Variants in NRXN3 observed in about 807,000 individuals in gnomAD.
The protein encoded by NRXN3 is neurexin III.
NRXN3 carries 32 observed loss-of-function variants against 137.6 expected under a neutral mutation model. That is an observed-to-expected ratio of 0.23 (90% confidence interval 0.18 to 0.31). NRXN3 has a LOEUF of 0.31. Ranked by LOEUF, NRXN3 falls within the 10% of genes least tolerant of loss-of-function variation. The pLI is 1.00. For missense variants in NRXN3, 1,574 were observed against 2,062.5 expected (o/e 0.76, Z 4.59); for synonymous variants, 798 against 784.5 (o/e 1.02, Z -0.29).
chr14:78,926,889 TATATATATATAATATATATA>T (rs1172369784), intron 10 of NRXN3, among the ~76,000 whole-genome samples: 16 of 17,782 alleles, frequency 9.0e-4, no homozygotes, highest in Non-Finnish European at 1.2e-3. Flanking sequence ...AATATATTTA[TATATATATATAATATATATA>T]ATATATATAT....
At chr14:79,422,032 C>T (rs918676516) in intron 15 of NRXN3, among the ~76,000 whole-genome samples, 4 of 152,074 alleles carry the variant, frequency 2.6e-5, no homozygotes, top group African/African-American at 9.7e-5. Context: ...TTCAAAGTTA[C>T]ATGTAGAGTG....
At chr14:78,572,395 T>A (rs1382671719) in intron 4 of NRXN3, among the ~76,000 whole-genome samples, 1 of 152,140 alleles carries the variant, frequency 6.6e-6, no homozygotes, top group Non-Finnish European at 1.5e-5. Context: ...CCTGGCCACC[T>A]TCAGTGTGTC....
In NRXN3 at chr14:78,288,152, G is replaced by A. The variant is rs142458006; in HGVS notation, c.727+9490G>A. On this transcript the variant is annotated intron_variant, in intron 3 of 20. Coordinates refer to ENST00000335750, the MANE Select transcript of NRXN3 (RefSeq NM_001330195.2). Reference sequence around the variant, plus strand: ...CCACTACCACACCTGGCTAACTTTCGTATTTTTAGTAGAGACAGTGTTTTG... The same window carrying A: ...CCACTACCACACCTGGCTAACTTTCATATTTTTAGTAGAGACAGTGTTTTG... Among the ~76,000 whole-genome samples the A allele has an allele frequency of 5.8e-3, 880 of 152,134 alleles. 11 individuals are homozygous for A. Among genetic ancestry groups the A allele is most frequent in the African/African-American group, 0.019 (780 of 41,528 alleles).
chr14:78,955,429 C>T (rs1030664581), intron 10 of NRXN3, among the ~76,000 whole-genome samples: 1 of 152,134 alleles, frequency 6.6e-6, no homozygotes, highest in South Asian at 2.1e-4. Flanking sequence ...GTAATACATA[C>T]ATTTTATGTA....
At chr14:78,496,349 A>C (rs1041902699) in intron 4 of NRXN3, among the ~76,000 whole-genome samples, 1 of 152,100 alleles carries the variant, frequency 6.6e-6, no homozygotes, top group African/African-American at 2.4e-5. Flanking sequence ...GTTTTATTTG[A>C]GTTTTCTTCC....
At chr14:78,262,020 A>C (rs952897168) in intron 2 of NRXN3, among the ~76,000 whole-genome samples, 1 of 152,202 alleles carries the variant, frequency 6.6e-6, no homozygotes, top group African/African-American at 2.4e-5. Flanking sequence ...CTGTAGATGG[A>C]AAGAACAGAG....
chr14:79,125,478 A>G, intron 15 of NRXN3, among the ~76,000 whole-genome samples: 1 of 152,204 alleles, frequency 6.6e-6, no homozygotes, highest in East Asian at 1.9e-4. Context: ...TCTTTATTGA[A>G]CAACAACTTT....
At chr14:79,199,211 A>G (rs1161654768) in intron 15 of NRXN3, among the ~76,000 whole-genome samples, 1 of 148,026 alleles carries the variant, frequency 6.8e-6, no homozygotes, top group East Asian at 2.0e-4. Context: ...TTCCCTTCTT[A>G]TTTTCACCTT....
chr14:78,476,184 T>G (rs2095374633), intron 4 of NRXN3, among the ~76,000 whole-genome samples: 1 of 152,266 alleles, frequency 6.6e-6, no homozygotes, highest in African/African-American at 2.4e-5. Flanking sequence ...AGACAAGTTT[T>G]GTAATTTCAC....
chr14:79,798,168 G>C (rs2099166707), intron 19 of NRXN3, among the ~76,000 whole-genome samples: 1 of 151,664 alleles, frequency 6.6e-6, no homozygotes, highest in Non-Finnish European at 1.5e-5. Flanking sequence ...ATGAGACTGT[G>C]ATGGCCACAA....
intron 4 of NRXN3, among the ~76,000 whole-genome samples, chr14:78,576,090 A>G (rs908705625): frequency 1.3e-5 from 2 of 152,248 alleles, no homozygotes; most frequent in Admixed American, 1.3e-4. Context: ...GACATGTATT[A>G]GTCATGCACA....
intron 15 of NRXN3, among the ~76,000 whole-genome samples, chr14:79,446,762 T>C (rs1056918171): frequency 3.9e-5 from 6 of 152,180 alleles, no homozygotes; most frequent in Non-Finnish European, 8.8e-5. Flanking sequence ...TGCATAAGCA[T>C]TTCTTTTCCT....
chr14:78,426,618 G>A (rs138100710), intron 4 of NRXN3, among the ~76,000 whole-genome samples: 136 of 152,208 alleles, frequency 8.9e-4, no homozygotes, highest in African/African-American at 3.2e-3. Context: ...AACTTGATAG[G>A]GCAAACAGTG....
chr14:78,850,064 C>G (rs1180454945), intron 10 of NRXN3, among the ~76,000 whole-genome samples: 1 of 152,064 alleles, frequency 6.6e-6, no homozygotes, highest in East Asian at 1.9e-4. Flanking sequence ...TTAATTAACT[C>G]AAACAATGCA....
intron 15 of NRXN3, among the ~76,000 whole-genome samples, chr14:79,017,190 T>C (rs1212896073): frequency 6.6e-6 from 1 of 150,586 alleles, no homozygotes; most frequent in Non-Finnish European, 1.5e-5. Flanking sequence ...GTGGATCCAA[T>C]GACCACTGCC....
At chr14:78,450,124 C>T (rs542505336) in intron 4 of NRXN3, among the ~76,000 whole-genome samples, 1 of 152,324 alleles carries the variant, frequency 6.6e-6, no homozygotes, top group South Asian at 2.1e-4. Context: ...ATCCATCAAT[C>T]TGCTAGCAAT....
chr14:78,539,231 A>G (rs1365295028), intron 4 of NRXN3, among the ~76,000 whole-genome samples: 1 of 152,120 alleles, frequency 6.6e-6, no homozygotes, highest in Non-Finnish European at 1.5e-5. Context: ...TTGGCAGTGA[A>G]TCCATCTGGT....
chr14:79,412,038 C>A (rs2095424286), intron 15 of NRXN3, among the ~76,000 whole-genome samples: 1 of 152,064 alleles, frequency 6.6e-6, no homozygotes, highest in Admixed American at 6.6e-5. Flanking sequence ...GACATGGGAT[C>A]CTGGCCAGTC....
intron 8 of NRXN3, among the ~76,000 whole-genome samples, chr14:78,801,122 C>A (rs976743376): frequency 3.9e-5 from 6 of 152,140 alleles, no homozygotes; most frequent in African/African-American, 7.2e-5. Flanking sequence ...GAGATTGAGG[C>A]CATCCTGGCT....
Sources: allele counts gnomAD v4.1 joint callset (sites outside exome capture counted in the v4.1 genomes callset), GRCh38; gene constraint gnomAD v4.1.1; transcripts MANE v1.5; gene names NCBI Gene and HGNC (gene_info 2026-07-23, HGNC 2026-07-21).